MRGBP: variants seen among roughly 807,000 people sequenced by gnomAD.
The protein encoded by MRGBP is MRG domain binding protein.
Under a neutral mutation model 21.5 loss-of-function variants are expected in MRGBP, and 5 were observed. The observed-to-expected ratio is 0.23, with a 90% confidence interval of 0.12 to 0.49. The LOEUF (loss-of-function observed/expected upper bound fraction) is 0.49, where lower values mean the gene tolerates loss of function less well. MRGBP is among the 20% of genes least tolerant of loss of function. The probability of loss-of-function intolerance (pLI) is 0.98; values close to 1 mark genes in which losing one functional copy is unlikely to be tolerated. For synonymous variants in MRGBP, 118 were observed against 104.4 expected, an observed-to-expected ratio of 1.13 and a Z score of -0.79; for missense variants, 227 against 277.4, an observed-to-expected ratio of 0.82 and a Z score of 1.29.
rs1318673340 is a variant in MRGBP at position 62,796,588 on chromosome 20, C to T, written c.65C>T (p.Thr22Ile). Reference sequence around the variant, plus strand: ...GACAAGGGCCCGGGGGAGGCGGCCACCAGCCCGGCGGAGGAGACAGTGGTG... The same window carrying T: ...GACAAGGGCCCGGGGGAGGCGGCCATCAGCCCGGCGGAGGAGACAGTGGTG... ...AGDKGPGEAA[T>I]SPAEETVVWS... Residue 22 changes from threonine to isoleucine, a missense_variant, in exon 1 of 5, where the codon ACC becomes ATC. Transcript: ENST00000370487. The T allele has an allele frequency of 7.8e-6, 10 of 1,274,124 alleles. No individual in the cohort carries two copies. Among genetic ancestry groups the T allele is most frequent in the Non-Finnish European group, 9.9e-6 (10 of 1,006,240 alleles). 78.9% of individuals were successfully genotyped at this position (1,274,124 alleles called of 1,614,324 possible).
chr20:62,796,677 C>A lies in MRGBP; in HGVS notation c.148+6C>A. The A allele has an allele frequency of 7.7e-7, 1 of 1,297,934 alleles. No homozygotes were observed. 80.4% of individuals were successfully genotyped at this position (1,297,934 alleles called of 1,614,324 possible). On this transcript the variant is annotated splice_donor_region_variant and intron_variant, in intron 1 of 4. Transcript: ENST00000370487. ...GCTGGGCCACAAGCCCGTCGGTGAG[C>A]GCCCAGGCTGCGGACGCGCGTGGGG...
chr20:62,799,201 C>T (rs1266145555), intron 4 of MRGBP, 152 bp downstream of exon 4: 1 of 882,176 alleles, frequency 1.1e-6, no homozygotes, highest in Non-Finnish European at 1.7e-6. Flanking sequence ...GCAGTGCCCC[C>T]TCCCCAGGAG....
At position 62,799,695 on chromosome 20, in the gene MRGBP, A is replaced by AG; in HGVS notation, c.*57dup. 1 of 1,561,182 alleles carries AG rather than the reference A, an allele frequency of 6.4e-7. No homozygotes were observed. Among genetic ancestry groups the AG allele is most frequent in the East Asian group, 2.3e-5 (1 of 44,354 alleles). ...AGCGGGCGAGGCACTGTGGTCGCTG[A>AG]GGGGGTTGGCTGGGTCTGAGTGCCA... On this transcript the variant is annotated 3_prime_UTR_variant, in exon 5 of 5. Coordinates refer to ENST00000370487, the MANE Select transcript of MRGBP (RefSeq NM_018270.6).
In MRGBP at chr20:62,798,964, C is replaced by T; in HGVS notation, c.353-11C>T. On this transcript the variant is annotated splice_polypyrimidine_tract_variant and intron_variant, in intron 3 of 4. Transcript: ENST00000370487. ...TGGGTTTTCGGTGAGCGTCAGCTGT[C>T]TCCTCCACAGGAAAAGTGATGATAG... 6.2e-7 allele frequency: 1 copy of T among 1,613,532 alleles called. No homozygotes were observed. The highest frequency in any genetic ancestry group is 1.3e-5 in the African/African-American group (1 of 75,060).
chr20:62,797,285 C>T (rs1409697928), intron 2 of MRGBP, 54 bp downstream of exon 2: 2 of 1,497,100 alleles, frequency 1.3e-6, no homozygotes, highest in South Asian at 1.3e-5. Context: ...ACCCGCACAC[C>T]GCTCTCTGAG....
chr20:62,797,092 C>T lies in MRGBP; in HGVS notation c.149-18C>T, dbSNP rs990468561. 4.4e-6 allele frequency: 7 copies of T among 1,585,708 alleles called. No individual in the cohort carries two copies. The highest frequency in any genetic ancestry group is 2.3e-5 in the South Asian group (2 of 87,306). On this transcript the variant is annotated intron_variant, in intron 1 of 4. Coordinates refer to ENST00000370487, the MANE Select transcript of MRGBP (RefSeq NM_018270.6). ...CCTCACCGCTCACCGGTTATCCCGC[C>T]GCCCCTCCTCCCCTCAGGTGTGAAC... is the stretch of plus-strand genomic sequence containing the variant.
chr20:62,796,973 C>A (rs553123537), intron 1 of MRGBP, 137 bp from the exon 2 acceptor site: 17 of 404,268 alleles, frequency 4.2e-5, no homozygotes, highest in Admixed American at 2.2e-4. Flanking sequence ...CCTGCCCCCC[C>A]ACAGCCCCTC....
At position 62,796,538 on chromosome 20, in the gene MRGBP, G is replaced by A. The variant is rs1460244524; in HGVS notation, c.15G>A (p.Glu5=). The A allele has an allele frequency of 1.7e-6, 2 of 1,182,782 alleles. No individual in the cohort carries two copies. The highest frequency in any genetic ancestry group is 1.0e-6 in the Non-Finnish European group (1 of 953,962). 73.3% of individuals were successfully genotyped at this position (1,182,782 alleles called of 1,614,324 possible). Residue 5 remains glutamate, a synonymous_variant, in exon 1 of 5, where the codon GAG becomes GAA. Transcript: ENST00000370487. MGEA[E]VGGGGAAGDK... is the part of the protein sequence containing the mutation. ...GGGCCGCGGCCATGGGAGAGGCCGA[G>A]GTGGGCGGCGGGGGCGCCGCAGGCG... is the stretch of plus-strand genomic sequence containing the variant.
chr20:62,798,232 C>A (rs1990378445), intron 2 of MRGBP, among the ~76,000 whole-genome samples: 1 of 152,168 alleles, frequency 6.6e-6, no homozygotes, highest in Admixed American at 6.5e-5. Flanking sequence ...AACGCAGTCT[C>A]ATGGTGAGAC....
intron 2 of MRGBP, among the ~76,000 whole-genome samples, chr20:62,797,659 G>T (rs926639551): frequency 6.6e-6 from 1 of 152,230 alleles, no homozygotes; most frequent in Admixed American, 6.5e-5. Flanking sequence ...TCAGCCTCCT[G>T]GGAGGCCCCC....
rs1268330770 is a variant in MRGBP at position 62,799,841 on chromosome 20, C to A, written c.*198C>A. ...TGTGTCAGTTGGACCATGTGGGACC[C>A]TGATGGACCTGAAAGACCAGGATCG... On this transcript the variant is annotated 3_prime_UTR_variant, in exon 5 of 5. Transcript: ENST00000370487. 2 of 583,930 alleles carry A rather than the reference C, an allele frequency of 3.4e-6. No homozygotes were observed. The highest frequency in any genetic ancestry group is 3.7e-5 in the African/African-American group (2 of 53,776). 36.2% of individuals were successfully genotyped at this position (583,930 alleles called of 1,614,324 possible). A position where few individuals can be genotyped will look rare whatever the true frequency, so the allele number is the denominator to read the frequency against.
intron 3 of MRGBP, 153 bp downstream of exon 3, chr20:62,798,821 C>T (rs1990392026): frequency 4.1e-6 from 4 of 985,392 alleles, no homozygotes; most frequent in African/African-American, 1.7e-5. Flanking sequence ...CTTGGAACCT[C>T]CGGGATTGGA....
chr20:62,799,673 G>T lies in MRGBP; in HGVS notation c.*30G>T, dbSNP rs752591959. 2.5e-6 allele frequency: 4 copies of T among 1,592,572 alleles called. No homozygotes were observed. Among genetic ancestry groups the T allele is most frequent in the Admixed American group, 1.7e-5 (1 of 58,362 alleles). On this transcript the variant is annotated 3_prime_UTR_variant, in exon 5 of 5. Transcript: ENST00000370487. ...TCAGCCCTGGTGGCGGCAGAGAAGC[G>T]GGCGAGGCACTGTGGTCGCTGAGGG...
At chr20:62,798,861 C>T (rs972803765) in intron 3 of MRGBP, 114 bp from the exon 4 acceptor site, 26 of 1,577,986 alleles carry the variant, frequency 1.6e-5, no homozygotes, top group Admixed American at 3.5e-5. Flanking sequence ...AGTGGCTGGA[C>T]GGAAGCTGAG....
At position 62,799,041 on chromosome 20, in the gene MRGBP, C is replaced by T. The variant is rs1216821457; in HGVS notation, c.419C>T (p.Ala140Val). The T allele has an allele frequency of 6.2e-7, 1 of 1,611,588 alleles. No homozygotes were observed. Among genetic ancestry groups the T allele is most frequent in the Non-Finnish European group, 8.5e-7 (1 of 1,178,924 alleles). The change falls in exon 4 of 5, where the codon GCT becomes GTT. Residue 140 changes from alanine to valine, a missense_variant. Physicochemically the swap from Ala to Val is moderately conservative, Grantham distance 64 (BLOSUM62 0). Around this residue, in one of 2 missense-constraint regions of MRGBP, gnomAD observed 162 missense variants for 227.7 expected, o/e 0.71. Transcript: ENST00000370487. ...GAAGACGTGGACCCCCACAATGGGG[C>T]TGACGATGGTGAGTGTGGAGCTCAC... ...MKEDVDPHNG[A>V]DDVFSSSGSL...
In MRGBP at chr20:62,800,341, G is replaced by A. The variant is rs912558029; in HGVS notation, c.*698G>A. On this transcript the variant is annotated 3_prime_UTR_variant, in exon 5 of 5. Coordinates refer to ENST00000370487, the MANE Select transcript of MRGBP (RefSeq NM_018270.6). ...TAGTGTTTTATATGAACAAAGTACT[G>A]CAGAAGTTAAACCTGTGTTGTATTT... is the stretch of plus-strand genomic sequence containing the variant. The A allele has an allele frequency of 1.3e-5, 2 of 152,562 alleles. No individual in the cohort carries two copies. Among genetic ancestry groups the A allele is most frequent in the Non-Finnish European group, 2.9e-5 (2 of 68,048 alleles). The allele number at this position is 152,562 out of a possible 1,614,324, so 9.5% of individuals were successfully genotyped here.
In MRGBP at chr20:62,796,552, G is replaced by T; in HGVS notation, c.29G>T (p.Gly10Val). The T allele has an allele frequency of 8.3e-7, 1 of 1,202,424 alleles. No homozygotes were observed. 74.5% of individuals were successfully genotyped at this position (1,202,424 alleles called of 1,614,324 possible). A position where few individuals can be genotyped will look rare whatever the true frequency, so the allele number is the denominator to read the frequency against. MGEAEVGGG[G>V]AAGDKGPGEA... is the part of the protein sequence containing the mutation. ...GGAGAGGCCGAGGTGGGCGGCGGGG[G>T]CGCCGCAGGCGACAAGGGCCCGGGG... is the stretch of plus-strand genomic sequence containing the variant. The change falls in exon 1 of 5, where the codon GGC becomes GTC. Residue 10 changes from glycine (G) to valine (V), a missense_variant. Gly to Val is a moderately radical substitution (Grantham distance 109). This residue lies in a region of MRGBP where 65 missense variants were observed against 49.7 expected (regional missense o/e 1.31). Transcript: ENST00000370487.
intron 2 of MRGBP, among the ~76,000 whole-genome samples, chr20:62,797,464 T>C (rs938112784): frequency 2.0e-5 from 3 of 152,154 alleles, no homozygotes; most frequent in Non-Finnish European, 4.4e-5. Flanking sequence ...ACCCCTGCAG[T>C]GAGGCTCGTC....
chr20:62,799,725 C>G lies in MRGBP; in HGVS notation c.*82C>G, dbSNP rs1600765670. ...GTTGGCTGGGTCTGAGTGCCACCCC[C>G]CAGGCCACAGTGATACCATCCCAGT... On this transcript the variant is annotated 3_prime_UTR_variant, in exon 5 of 5. Coordinates refer to ENST00000370487, the MANE Select transcript of MRGBP (RefSeq NM_018270.6). 3 of 1,445,562 alleles carry G rather than the reference C, an allele frequency of 2.1e-6. No individual in the cohort carries two copies. Among genetic ancestry groups the G allele is most frequent in the Non-Finnish European group, 2.8e-6 (3 of 1,072,742 alleles). 89.5% of individuals were successfully genotyped at this position (1,445,562 alleles called of 1,614,324 possible).
Sources: allele counts gnomAD v4.1 joint callset (sites outside exome capture counted in the v4.1 genomes callset), GRCh38; gene constraint gnomAD v4.1.1; regional missense constraint gnomAD v4.1.1; transcripts MANE v1.5; gene names NCBI Gene and HGNC (gene_info 2026-07-23, HGNC 2026-07-21).